Variants in NCAM2 observed in about 807,000 individuals in gnomAD.
NCAM2 encodes the protein neural cell adhesion molecule 2.
In NCAM2, 30 loss-of-function variants were observed where a neutral mutation model predicts 98.1. The ratio of observed to expected loss-of-function variants is 0.31; its 90% CI spans 0.23 to 0.41. The LOEUF is 0.41. Among genes scored for constraint, NCAM2 ranks in the 10% least tolerant of loss-of-function variants. The pLI is 1.00. For missense variants in NCAM2, 867 were observed against 1,005.8 expected, an observed-to-expected ratio of 0.86 and a Z score of 1.87; for synonymous variants, 368 against 342.4, an observed-to-expected ratio of 1.07 and a Z score of -0.83.
intron 5 of NCAM2, among the ~76,000 whole-genome samples, chr21:21,303,292 C>G (rs1211759573): frequency 3.3e-5 from 5 of 151,394 alleles, no homozygotes; most frequent in African/African-American, 1.2e-4. Flanking sequence ...TTATGAAATG[C>G]TAAAAAAGAT....
chr21:21,359,035 G>C (rs2075572408), intron 8 of NCAM2, among the ~76,000 whole-genome samples: 1 of 151,988 alleles, frequency 6.6e-6, no homozygotes, highest in Non-Finnish European at 1.5e-5. Flanking sequence ...GTCAACTTCT[G>C]ATTGTAGAGA....
intron 1 of NCAM2, among the ~76,000 whole-genome samples, chr21:21,019,330 A>G (rs2064381437): frequency 1.3e-5 from 2 of 152,218 alleles, no homozygotes; most frequent in Admixed American, 1.3e-4. Flanking sequence ...TGCACACTTC[A>G]AAATTTATTT....
chr21:21,009,205 A>G (rs1435854851), intron 1 of NCAM2, among the ~76,000 whole-genome samples: 1 of 152,182 alleles, frequency 6.6e-6, no homozygotes, highest in Non-Finnish European at 1.5e-5. Flanking sequence ...ACTGATTTTA[A>G]AAAGCATATT....
chr21:21,440,893 C>T (rs1442700134), intron 12 of NCAM2, among the ~76,000 whole-genome samples: 1 of 152,124 alleles, frequency 6.6e-6, no homozygotes, highest in Admixed American at 6.6e-5. Flanking sequence ...TTTTACTTTT[C>T]TGTTTGTTTA....
intron 11 of NCAM2, among the ~76,000 whole-genome samples, chr21:21,430,912 G>T (rs750363496): frequency 6.6e-6 from 1 of 151,722 alleles, no homozygotes; most frequent in Non-Finnish European, 1.5e-5. Flanking sequence ...TGGGCGTGGT[G>T]GTGCGCACCT....
chr21:21,260,011 A>G (rs2071833438), intron 1 of NCAM2, among the ~76,000 whole-genome samples: 1 of 151,678 alleles, frequency 6.6e-6, no homozygotes, highest in South Asian at 2.1e-4. Flanking sequence ...TTAAAAAAAT[A>G]GAACATCTGG....
chr21:21,076,283 TC>T (rs750568267), intron 1 of NCAM2, among the ~76,000 whole-genome samples: 1 of 152,144 alleles, frequency 6.6e-6, no homozygotes, highest in Non-Finnish European at 1.5e-5. Flanking sequence ...TGAAACTTGG[TC>T]CCTTATAATT....
chr21:21,137,898 T>C (rs1263582912), intron 1 of NCAM2, among the ~76,000 whole-genome samples: 1 of 151,114 alleles, frequency 6.6e-6, no homozygotes, highest in African/African-American at 2.4e-5. Flanking sequence ...CTTTTGTCCT[T>C]TCCATAATGA....
chr21:21,339,460 A>G (rs2074965197), intron 8 of NCAM2, among the ~76,000 whole-genome samples: 1 of 152,048 alleles, frequency 6.6e-6, no homozygotes, highest in African/African-American at 2.4e-5. Context: ...AACAAAAGAG[A>G]AAGGAAAAGA....
chr21:21,048,630 G>A (rs1214490571), intron 1 of NCAM2, among the ~76,000 whole-genome samples: 1 of 152,160 alleles, frequency 6.6e-6, no homozygotes, highest in Non-Finnish European at 1.5e-5. Flanking sequence ...TGGGATTACA[G>A]GCGTGAGCTA....
intron 10 of NCAM2, among the ~76,000 whole-genome samples, chr21:21,416,970 G>C (rs962788): frequency 0.31 from 46,859 of 151,792 alleles, 7,330 homozygotes; most frequent in Admixed American, 0.36. Context: ...ATGATAAAAG[G>C]TTGCTTATTT....
intron 11 of NCAM2, among the ~76,000 whole-genome samples, chr21:21,429,990 G>A (rs1342318359): frequency 1.1e-4 from 16 of 151,950 alleles, no homozygotes; most frequent in Non-Finnish European, 1.5e-5. Flanking sequence ...AGCAAAAAGA[G>A]TACATTTGAC....
At chr21:21,479,876 C>A (rs978865745) in intron 15 of NCAM2, among the ~76,000 whole-genome samples, 21 of 152,022 alleles carry the variant, frequency 1.4e-4, no homozygotes, top group Non-Finnish European at 2.5e-4. Flanking sequence ...TTCCTCATCT[C>A]TAAAGTGAGT....
chr21:21,023,043 A>G (rs181511505), intron 1 of NCAM2, among the ~76,000 whole-genome samples: 108 of 152,326 alleles, frequency 7.1e-4, no homozygotes, highest in African/African-American at 2.5e-3. Context: ...AAAGACATAT[A>G]TACAACAGTA....
At chr21:21,385,020 G>T (rs1231319435) in intron 9 of NCAM2, among the ~76,000 whole-genome samples, 2 of 150,162 alleles carry the variant, frequency 1.3e-5, no homozygotes, top group Non-Finnish European at 3.0e-5. Flanking sequence ...GTTGAAACTT[G>T]TTTTTTTTTA....
At chr21:21,063,244 G>T (rs1309285319) in intron 1 of NCAM2, among the ~76,000 whole-genome samples, 1 of 115,914 alleles carries the variant, frequency 8.6e-6, no homozygotes, top group Non-Finnish European at 1.7e-5. Context: ...TTTTTGAGCC[G>T]GAGTCTCACT....
intron 1 of NCAM2, among the ~76,000 whole-genome samples, chr21:21,158,121 A>G (rs946616021): frequency 1.3e-5 from 2 of 152,214 alleles, no homozygotes; most frequent in Non-Finnish European, 2.9e-5. Context: ...GAATACTGGC[A>G]AAACTACCCT....
At chr21:21,082,284 A>AAC (rs1555882243) in intron 1 of NCAM2, among the ~76,000 whole-genome samples, 64 of 145,270 alleles carry the variant, frequency 4.4e-4, no homozygotes, top group African/African-American at 1.1e-3. Context: ...CTCAAAACAA[A>AAC]AAAAAAAAAA....
At chr21:21,372,514 G>A (rs2075942437) in intron 8 of NCAM2, among the ~76,000 whole-genome samples, 1 of 151,616 alleles carries the variant, frequency 6.6e-6, no homozygotes, top group Non-Finnish European at 1.5e-5. Flanking sequence ...TGAATCTTTA[G>A]TAGGTGTTGA....
Sources: gnomAD v4.1 joint callset for allele counts (sites outside exome capture counted in the v4.1 genomes callset) on GRCh38, gnomAD v4.1.1 for gene constraint, MANE v1.5 for transcripts, NCBI Gene and HGNC (gene_info 2026-07-23, HGNC 2026-07-21) for gene names.